The following SNX22 variants were observed in gnomAD, a reference collection of about 807,000 sequenced individuals.
The protein encoded by SNX22 is sorting nexin-22.
Under a neutral mutation model 24.7 loss-of-function variants are expected in SNX22, and 23 were observed. That is an observed-to-expected ratio of 0.93 (90% confidence interval 0.67 to 1.32). The LOEUF is 1.32. Among genes scored for constraint, SNX22 ranks in the 40% most tolerant of loss-of-function variants. The pLI, the probability that SNX22 is intolerant of heterozygous loss-of-function variation, is 0.00. For missense variants in SNX22, 261 were observed against 249.9 expected, an observed-to-expected ratio of 1.04 and a Z score of -0.30; for synonymous variants, 99 against 104.0, an observed-to-expected ratio of 0.95 and a Z score of 0.29.
intron 5 of SNX22, 99 bp from the exon 6 acceptor site, chr15:64,153,836 C>T: frequency 1.1e-5 from 17 of 1,591,654 alleles, no homozygotes; most frequent in Non-Finnish European, 1.5e-5. Flanking sequence ...CTCACCTTTT[C>T]CTTCATGGGT....
chr15:64,152,178 G>C (rs2081490985), intron 1 of SNX22, 65 bp from the exon 2 acceptor site: 1 of 1,319,262 alleles, frequency 7.6e-7, no homozygotes, highest in African/African-American at 1.6e-5. Context: ...GTCGCCAGGC[G>C]CAGGTGCTGC....
intron 2 of SNX22, 123 bp from the exon 3 acceptor site, chr15:64,152,515 A>T: frequency 8.1e-7 from 1 of 1,234,440 alleles, no homozygotes; most frequent in Non-Finnish European, 1.2e-6. Context: ...CCGGTCCACC[A>T]CTCACCAGGG....
At position 64,156,332 on chromosome 15, in the gene SNX22, G is replaced by T. The variant is rs1484501031; in HGVS notation, c.*1824G>T. 2 of 816,078 alleles carry T rather than the reference G, an allele frequency of 2.5e-6. No homozygotes were observed. Among genetic ancestry groups the T allele is most frequent in the Non-Finnish European group, 4.0e-6 (2 of 503,432 alleles). The allele number at this position is 816,078 out of a possible 1,614,324, so 50.6% of individuals were successfully genotyped here. ...GGGAGAATGCAGATTTGACGAGGGG[G>T]TACAGGAATTTTGTTCCTTTGAAGT... On this transcript the variant is annotated 3_prime_UTR_variant, in exon 7 of 7. Coordinates refer to ENST00000325881, the MANE Select transcript of SNX22 (RefSeq NM_024798.3). This position sits in a 1 kb window ranked among gnomAD's most constrained non-coding sequence, Gnocchi z 6.4.
In SNX22 at chr15:64,157,011, G is replaced by T; in HGVS notation, c.*2503G>T. Reference sequence around the variant, plus strand: ...GGGCTTAACCTGTCCTCTGTGCCAGGCTAGGCTGGAGTGGACTACAAGGAC... The same window carrying T: ...GGGCTTAACCTGTCCTCTGTGCCAGTCTAGGCTGGAGTGGACTACAAGGAC... On this transcript the variant is annotated 3_prime_UTR_variant, in exon 7 of 7. Coordinates refer to ENST00000325881, the MANE Select transcript of SNX22 (RefSeq NM_024798.3). The surrounding 1 kb of genome is among the most constrained non-coding windows in gnomAD (Gnocchi z 4.2). 2 of 1,268,064 alleles carry T rather than the reference G, an allele frequency of 1.6e-6. No homozygotes were observed. The highest frequency in any genetic ancestry group is 2.2e-6 in the Non-Finnish European group (2 of 899,526). 78.6% of individuals were successfully genotyped at this position (1,268,064 alleles called of 1,614,324 possible). A position where few individuals can be genotyped will look rare whatever the true frequency, so the allele number is the denominator to read the frequency against.
At chr15:64,154,035 C>T (rs781559138) in intron 6 of SNX22, 33 bp downstream of exon 6, 1 of 1,614,118 alleles carries the variant, frequency 6.2e-7, no homozygotes, top group South Asian at 1.1e-5. Flanking sequence ...GGCTACAGGG[C>T]TGGGTTGTGG....
rs180856278 is a variant in SNX22, at chr15:64,154,765, C to T, written c.*257C>T. 3.2e-3 allele frequency: 1,134 copies of T among 358,240 alleles called. 8 individuals carry two copies. Among genetic ancestry groups the T allele is most frequent in the African/African-American group, 0.022 (1,049 of 47,642 alleles). The allele number at this position is 358,240 out of a possible 1,614,324, so 22.2% of individuals were successfully genotyped here. ...AATAAAAGAGGAAGTCAGCCAGGCG[C>T]GGTGGCTCATGCCTGTAATCCCAGC... On this transcript the variant is annotated 3_prime_UTR_variant, in exon 7 of 7. Transcript: ENST00000325881.
At chr15:64,153,503 G>A (rs1164090278) in intron 4 of SNX22, 149 bp from the exon 5 acceptor site, 1 of 1,492,004 alleles carries the variant, frequency 6.7e-7, no homozygotes, top group African/African-American at 1.4e-5. Context: ...GACAGACTTG[G>A]TTACCCCCGC....
Position 64,155,642 on chromosome 15 carries a change from G to T in SNX22, c.*1134G>T. ...GAGGCCCAGTAGCTGGCAAAGTTTA[G>T]AAGCAGGGGGCAAAAGCTCCTGCCT... On this transcript the variant is annotated 3_prime_UTR_variant, in exon 7 of 7. Transcript: ENST00000325881. 3.5e-6 allele frequency: 1 copy of T among 286,070 alleles called. No individual in the cohort carries two copies. Among genetic ancestry groups the T allele is most frequent in the Non-Finnish European group, 6.8e-6 (1 of 147,576 alleles). The allele number at this position is 286,070 out of a possible 1,614,324, so 17.7% of individuals were successfully genotyped here.
In SNX22 at chr15:64,156,193, C is replaced by T. The variant is rs780772293; in HGVS notation, c.*1685C>T. On this transcript the variant is annotated 3_prime_UTR_variant, in exon 7 of 7. Coordinates refer to ENST00000325881, the MANE Select transcript of SNX22 (RefSeq NM_024798.3). This position sits in a 1 kb window ranked among gnomAD's most constrained non-coding sequence, Gnocchi z 6.4. ...GGAGGGCATGGTGGATCAGGAGGTCCACCGCTCAGGAGAAAGGCCCCAGCG... is the reference window on the plus strand; with the variant it reads ...GGAGGGCATGGTGGATCAGGAGGTCTACCGCTCAGGAGAAAGGCCCCAGCG... 6.2e-7 allele frequency: 1 copy of T among 1,611,452 alleles called. No individual in the cohort carries two copies. The highest frequency in any genetic ancestry group is 8.5e-7 in the Non-Finnish European group (1 of 1,178,748).
At chr15:64,152,187 G>T (rs1488231027) in intron 1 of SNX22, 56 bp from the exon 2 acceptor site, 2 of 1,348,360 alleles carry the variant, frequency 1.5e-6, no homozygotes, top group African/African-American at 3.1e-5. Context: ...CGCAGGTGCT[G>T]CGGCGTCCTC....
intron 6 of SNX22, 56 bp downstream of exon 6, chr15:64,154,058 T>TCGGCTC (rs1253420471): frequency 1.2e-6 from 2 of 1,613,968 alleles, no homozygotes; most frequent in Non-Finnish European, 1.7e-6. Context: ...TTTGCATTTC[T>TCGGCTC]CGGCTCCTGG....
chr15:64,155,912 G>C lies in SNX22; in HGVS notation c.*1404G>C. 1 of 1,522,690 alleles carries C rather than the reference G, an allele frequency of 6.6e-7. No individual in the cohort carries two copies. The highest frequency in any genetic ancestry group is 1.1e-5 in the South Asian group (1 of 88,922). The allele number at this position is 1,522,690 out of a possible 1,614,324, so 94.3% of individuals were successfully genotyped here. ...TCCATGGGCCTGTGGAATGTGAGGG[G>C]AGTGGGTCCGCTCCACCAGATGCCA... is the stretch of plus-strand genomic sequence containing the variant. On this transcript the variant is annotated 3_prime_UTR_variant, in exon 7 of 7. Transcript: ENST00000325881.
Position 64,156,557 on chromosome 15 carries a change from C to T in SNX22, c.*2049C>T. 4 of 880,656 alleles carry T rather than the reference C, an allele frequency of 4.5e-6. No individual in the cohort carries two copies. Among genetic ancestry groups the T allele is most frequent in the South Asian group, 2.8e-5 (2 of 70,210 alleles). The allele number at this position is 880,656 out of a possible 1,614,324, so 54.6% of individuals were successfully genotyped here. ...CTGAGGGGGCTGGAAGAATTTAGAA[C>T]CTTGGAGGCATGGAGGTACAGGGTT... On this transcript the variant is annotated 3_prime_UTR_variant, in exon 7 of 7. Coordinates refer to ENST00000325881, the MANE Select transcript of SNX22 (RefSeq NM_024798.3). The surrounding 1 kb of genome is among the most constrained non-coding windows in gnomAD (Gnocchi z 6.4).
rs1368985698 is a variant in SNX22, at chr15:64,154,483, C to A, written c.557C>A (p.Pro186His). The change falls in exon 7 of 7, where the codon CCT becomes CAT. Residue 186 changes from proline to histidine, a missense_variant. Pro to His is a moderately conservative substitution (Grantham distance 77). Coordinates refer to ENST00000325881, the MANE Select transcript of SNX22 (RefSeq NM_024798.3). ...GCCCAGCCAAAGGCGGCCTGTCACC[C>A]TGCTCCTCTGCCACCGATGCCCTGA... ...DKAQPKAACHPAPLPPMP is the reference protein window; with the variant it reads ...DKAQPKAACHHAPLPPMP The A allele has an allele frequency of 6.2e-7, 1 of 1,614,058 alleles. No individual in the cohort carries two copies.
At position 64,156,969 on chromosome 15, in the gene SNX22, C is replaced by A; in HGVS notation, c.*2461C>A. 4 of 1,564,542 alleles carry A rather than the reference C, an allele frequency of 2.6e-6. No individual in the cohort carries two copies. Among genetic ancestry groups the A allele is most frequent in the Non-Finnish European group, 3.5e-6 (4 of 1,139,546 alleles). On this transcript the variant is annotated 3_prime_UTR_variant, in exon 7 of 7. Coordinates refer to ENST00000325881, the MANE Select transcript of SNX22 (RefSeq NM_024798.3). The surrounding 1 kb of genome is among the most constrained non-coding windows in gnomAD (Gnocchi z 6.4). Reference sequence around the variant, plus strand: ...GATTGCGCCAAACCAAGCAGACATTCGGGGCCAGGACTGAGGGGGCTTAAC... The same window carrying A: ...GATTGCGCCAAACCAAGCAGACATTAGGGGCCAGGACTGAGGGGGCTTAAC...
chr15:64,152,983 T>C, intron 3 of SNX22: 1 of 607,958 alleles, frequency 1.6e-6, no homozygotes, highest in South Asian at 2.0e-5. Flanking sequence ...TCCTGTCCCC[T>C]CCATGGTGAG....
At chr15:64,152,796 CCAGA>C (rs1245705027) in intron 3 of SNX22, 54 bp downstream of exon 3, 5 of 1,529,980 alleles carry the variant, frequency 3.3e-6, no homozygotes, top group Admixed American at 1.7e-5. Context: ...GGGGTGTGGC[CCAGA>C]CAGAGAGGTG....
chr15:64,153,247 C>T lies in SNX22; in HGVS notation c.267C>T (p.Gly89=). The part of the protein sequence containing the change: ...RRQGLEAYIQ[G]ILYLNQEVPK... The stretch of plus-strand genomic sequence containing the variant: ...CAGGTCTCCTCTGTCCTCTCCAGGG[C>T]ATCCTGTACCTGAACCAGGAGGTGC... The change falls in exon 4 of 7, where the codon GGC becomes GGT. Residue 89 remains glycine (G), a splice_region_variant and synonymous_variant. Transcript: ENST00000325881. 6.2e-7 allele frequency: 1 copy of T among 1,614,174 alleles called. No homozygotes were observed. The highest frequency in any genetic ancestry group is 1.3e-5 in the African/African-American group (1 of 75,062).
chr15:64,155,069 T>C lies in SNX22; in HGVS notation c.*561T>C, dbSNP rs1424174057. On this transcript the variant is annotated 3_prime_UTR_variant, in exon 7 of 7. Coordinates refer to ENST00000325881, the MANE Select transcript of SNX22 (RefSeq NM_024798.3). ...ACCCCCGCTTCCCGGGTTCAAGCAA[T>C]TCTCCTGCCTCAGCCTCTCGAGTAG... 6.9e-6 allele frequency: 1 copy of C among 144,576 alleles called. No homozygotes were observed. The highest frequency in any genetic ancestry group is 1.5e-5 in the Non-Finnish European group (1 of 66,696). 9.0% of individuals were successfully genotyped at this position (144,576 alleles called of 1,614,324 possible). A position where few individuals can be genotyped will look rare whatever the true frequency, so the allele number is the denominator to read the frequency against.
Sources: allele counts gnomAD v4.1 joint callset, GRCh38; gene constraint gnomAD v4.1.1; non-coding constraint Gnocchi (gnomAD v3.1); transcripts MANE v1.5; gene names NCBI Gene and HGNC (gene_info 2026-07-23, HGNC 2026-07-21).